The following ATP2C2 variants were observed in gnomAD, a reference collection of about 807,000 sequenced individuals.
ATP2C2 encodes calcium-transporting ATPase type 2C member 2.
A neutral mutation model predicts 110.8 loss-of-function variants in ATP2C2; 171 were observed. The ratio of observed to expected loss-of-function variants is 1.54; its 90% CI spans 1.36 to 1.75. The LOEUF is 1.75. Ranked by LOEUF, ATP2C2 falls within the 40% of genes most tolerant of loss-of-function variation. The pLI is 0.00. For synonymous variants in ATP2C2, 804 were observed against 508.4 expected (o/e 1.58, Z -7.82); for missense variants, 1,963 against 1,235.0 (o/e 1.59, Z -8.84).
chr16:84,391,853 G>A (rs1462150690), intron 1 of ATP2C2, among the ~76,000 whole-genome samples: 2 of 151,752 alleles, frequency 1.3e-5, no homozygotes, highest in African/African-American at 4.8e-5. Flanking sequence ...AATTGAAACT[G>A]TTTCCAAGTT....
At chr16:84,413,259 G>A (rs527446884) in intron 6 of ATP2C2, among the ~76,000 whole-genome samples, 214 of 152,038 alleles carry the variant, frequency 1.4e-3, no homozygotes, top group Non-Finnish European at 2.7e-3. Flanking sequence ...TATATCCCAG[G>A]CACATGTTGT....
chr16:84,410,733 G>C lies in ATP2C2; in HGVS notation c.483G>C (p.Glu161Asp). 6.2e-7 allele frequency: 1 copy of C among 1,614,212 alleles called. No homozygotes were observed. Residue 161 changes from glutamate to aspartate, a missense_variant, in exon 6 of 27, where the codon GAG becomes GAC. Glu to Asp is a conservative substitution (Grantham distance 45). Coordinates refer to ENST00000262429, the MANE Select transcript of ATP2C2 (RefSeq NM_014861.4). ...QEYRSEKSLEELTKLVPPECN... is the reference protein window; with the variant it reads ...QEYRSEKSLEDLTKLVPPECN... ...ACAGGTCGGAGAAATCTCTGGAAGA[G>C]CTGACCAAGCTGGTTCCTCCAGAAT...
rs567502611 is a variant in ATP2C2 at position 84,417,165 on chromosome 16, G to C, written c.624+1574G>C. On this transcript the variant is annotated intron_variant, in intron 7 of 26. Coordinates refer to ENST00000262429, the MANE Select transcript of ATP2C2 (RefSeq NM_014861.4). ...AAAATGGGGGGTGGTGATGCCCATAGGGTACTTGGGAGGATTACAGATCTT... is the reference window on the plus strand; with the variant it reads ...AAAATGGGGGGTGGTGATGCCCATACGGTACTTGGGAGGATTACAGATCTT... 2.0e-4 allele frequency among the ~76,000 whole-genome samples: 30 copies of C among 152,302 alleles called. No homozygotes were observed. In the South Asian group the frequency reaches 6.2e-3, roughly 32 times the overall value.
In ATP2C2 at chr16:84,408,488, C is replaced by A. The variant is rs199924990; in HGVS notation, c.411C>A (p.Ile137=). The part of the protein sequence containing the change: ...LTKEYEDAVS[I]ATAVLVVVTV... ...AGGAGTATGAGGACGCCGTCAGCAT[C>A]GCCACGGTGAGTTCCCTGACAGCGC... The change falls in exon 4 of 27, where the codon ATC becomes ATA. Residue 137 remains isoleucine (I), a synonymous_variant. Coordinates refer to ENST00000262429, the MANE Select transcript of ATP2C2 (RefSeq NM_014861.4). The A allele has an allele frequency of 1.9e-6, 3 of 1,612,702 alleles. No individual in the cohort carries two copies. The highest frequency in any genetic ancestry group is 2.5e-6 in the Non-Finnish European group (3 of 1,179,842).
chr16:84,461,203 G>A (rs1911299070), intron 24 of ATP2C2: 1 of 252,694 alleles, frequency 4.0e-6, no homozygotes, highest in South Asian at 7.2e-5. Flanking sequence ...TTCATGGCCT[G>A]CAGGTTCAGG....
At chr16:84,460,292 G>C in intron 23 of ATP2C2, 1 of 335,424 alleles carries the variant, frequency 3.0e-6, no homozygotes, top group Non-Finnish European at 5.7e-6. Flanking sequence ...TCTCTCAGCT[G>C]ATGAGGGGCT....
intron 21 of ATP2C2, among the ~76,000 whole-genome samples, chr16:84,455,277 G>A (rs942867707): frequency 2.6e-5 from 4 of 152,150 alleles, no homozygotes; most frequent in Admixed American, 2.0e-4. Flanking sequence ...ATTTCATGTG[G>A]TACTGGGAAT....
intron 11 of ATP2C2, chr16:84,426,099 T>A (rs1165439003): frequency 2.6e-6 from 1 of 378,898 alleles, no homozygotes; most frequent in African/African-American, 2.1e-5. Context: ...AAGAAAATAG[T>A]TTAATTGGCC....
chr16:84,436,636 T>C (rs1324230710), intron 11 of ATP2C2, among the ~76,000 whole-genome samples: 1 of 152,106 alleles, frequency 6.6e-6, no homozygotes, highest in African/African-American at 2.4e-5. Flanking sequence ...CACTTGGAGC[T>C]CCACTGAAGT....
rs1187697497 is a variant in ATP2C2 at position 84,423,282 on chromosome 16, A to G, written c.919+19A>G. The G allele has an allele frequency of 8.7e-6, 14 of 1,609,722 alleles. No individual in the cohort carries two copies. Among genetic ancestry groups the G allele is most frequent in the African/African-American group, 5.3e-5 (4 of 74,808 alleles). On this transcript the variant is annotated intron_variant, in intron 10 of 26. Coordinates refer to ENST00000262429, the MANE Select transcript of ATP2C2 (RefSeq NM_014861.4). ...ATAATCGGTGAGTGAAGCAGTTTCC[A>G]TACTGGGTTTGTTCTGCAGATGGAG...
intron 24 of ATP2C2, chr16:84,461,085 G>A (rs751682665): frequency 2.3e-6 from 1 of 430,006 alleles, no homozygotes; most frequent in Non-Finnish European, 4.2e-6. Context: ...AGGACAGGCT[G>A]CCCCCTGTTC....
At chr16:84,438,797 C>G (rs769524803) in intron 11 of ATP2C2, among the ~76,000 whole-genome samples, 4 of 152,218 alleles carry the variant, frequency 2.6e-5, no homozygotes, top group Non-Finnish European at 4.4e-5. Context: ...AACTCTTAAT[C>G]CCACTTACTG....
In ATP2C2 at chr16:84,437,717, C is replaced by T. The variant is rs143780906; in HGVS notation, c.987-1449C>T. ...TTTTAGTAGAGATGGGGTTTCACCACGTTGTCCAGGTTGGTCTCAAACTCC... is the reference window on the plus strand; with the variant it reads ...TTTTAGTAGAGATGGGGTTTCACCATGTTGTCCAGGTTGGTCTCAAACTCC... On this transcript the variant is annotated intron_variant, in intron 11 of 26. Coordinates refer to ENST00000262429, the MANE Select transcript of ATP2C2 (RefSeq NM_014861.4). Among the ~76,000 whole-genome samples the T allele has an allele frequency of 1.9e-4, 29 of 152,180 alleles. 1 individual carries two copies. Among genetic ancestry groups the T allele is most frequent in the African/African-American group, 6.5e-4 (27 of 41,524 alleles).
In ATP2C2 at chr16:84,379,264, C is replaced by G. The variant is rs554867246; in HGVS notation, c.99+10550C>G. Among the ~76,000 whole-genome samples, 27 of 151,910 alleles carry G rather than the reference C, an allele frequency of 1.8e-4. No individual in the cohort carries two copies. In the South Asian group the frequency reaches 5.4e-3, roughly 31 times the overall value. ...TGGCGCAATCATGGCTCACTGCAGTCTCAATCTTTCTGGGCTGAAGTGATC... is the reference window on the plus strand; with the variant it reads ...TGGCGCAATCATGGCTCACTGCAGTGTCAATCTTTCTGGGCTGAAGTGATC... On this transcript the variant is annotated intron_variant, in intron 1 of 26. Transcript: ENST00000262429.
chr16:84,392,580 A>G (rs1362125440), intron 1 of ATP2C2, among the ~76,000 whole-genome samples: 1 of 152,136 alleles, frequency 6.6e-6, no homozygotes, highest in Non-Finnish European at 1.5e-5. Context: ...CTCCTACCTT[A>G]GCCTCCTGAG....
chr16:84,436,630 T>C (rs1234892398), intron 11 of ATP2C2, among the ~76,000 whole-genome samples: 1 of 152,180 alleles, frequency 6.6e-6, no homozygotes, highest in African/African-American at 2.4e-5. Context: ...TGACAGCACT[T>C]GGAGCTCCAC....
chr16:84,459,173 G>A lies in ATP2C2; in HGVS notation c.2201G>A (p.Arg734Gln), dbSNP rs201731640. 129 of 1,614,172 alleles carry A rather than the reference G, an allele frequency of 8.0e-5. No individual in the cohort carries two copies. Among genetic ancestry groups the A allele is most frequent in the African/African-American group, 3.6e-4 (27 of 75,050 alleles). Residue 734 changes from arginine to glutamine, a missense_variant, in exon 22 of 27, where the codon CGA becomes CAA. Coordinates refer to ENST00000262429, the MANE Select transcript of ATP2C2 (RefSeq NM_014861.4). Reference protein sequence around the residue: ...GIFYNIKNFVRFQLSTSISAL... With the variant: ...GIFYNIKNFVQFQLSTSISAL... ...TTTTACAACATCAAAAACTTTGTCC[G>A]ATTCCAGCTGAGCACGTAAGTAGAG...
chr16:84,411,916 T>TTTTCTTTTC (rs1906333798), intron 6 of ATP2C2, among the ~76,000 whole-genome samples: 1 of 152,004 alleles, frequency 6.6e-6, no homozygotes, highest in South Asian at 2.1e-4. Flanking sequence ...GCTTTTTCCT[T>TTTTCTTTTC]TTTCTTTTCT....
rs1262143009 is a variant in ATP2C2 at position 84,451,951 on chromosome 16, G to A, written c.1691G>A (p.Gly564Glu). ...GCCCTGGCTTCTGGGCCCGAGCTGG[G>A]GCGGCTGACGTTTCTCGGTCTTGTG... ...VLALASGPELGRLTFLGLVGI... is the reference protein window; with the variant it reads ...VLALASGPELERLTFLGLVGI... Residue 564 changes from glycine (G) to glutamate (E), a missense_variant, in exon 18 of 27, where the codon GGG becomes GAG. By Grantham distance (98) the Gly-to-Glu change is moderately conservative. Transcript: ENST00000262429. 1.9e-6 allele frequency: 3 copies of A among 1,614,070 alleles called. No homozygotes were observed. The highest frequency in any genetic ancestry group is 8.5e-7 in the Non-Finnish European group (1 of 1,180,026).
Sources: gnomAD v4.1 joint callset for allele counts (sites outside exome capture counted in the v4.1 genomes callset) on GRCh38, gnomAD v4.1.1 for gene constraint, MANE v1.5 for transcripts, NCBI Gene and HGNC (gene_info 2026-07-23, HGNC 2026-07-21) for gene names.